The following ZNF277 variants were observed in gnomAD, a reference collection of about 807,000 sequenced individuals.
ZNF277 encodes the protein zinc finger protein 277, also known as nuclear receptor-interacting factor 4.
In ZNF277, 55 loss-of-function variants were observed where a neutral mutation model predicts 60.7. The ratio of observed to expected loss-of-function variants is 0.91; its 90% CI spans 0.73 to 1.13. The LOEUF (loss-of-function observed/expected upper bound fraction) is 1.13. ZNF277 is among the 50% of genes most tolerant of loss of function. The pLI, the probability that ZNF277 is intolerant of heterozygous loss-of-function variation, is 0.00. For synonymous variants in ZNF277, 178 were observed against 179.3 expected, an observed-to-expected ratio of 0.99 and a Z score of 0.06; for missense variants, 510 against 523.0, an observed-to-expected ratio of 0.98 and a Z score of 0.24.
intron 5 of ZNF277, among the ~76,000 whole-genome samples, chr7:112,320,459 A>G (rs1330887826): frequency 6.6e-6 from 1 of 152,138 alleles, no homozygotes; most frequent in Non-Finnish European, 1.5e-5. Context: ...CCTATGCACT[A>G]TATTAACAGT....
intron 4 of ZNF277, among the ~76,000 whole-genome samples, chr7:112,315,647 C>G (rs1387759606): frequency 6.6e-6 from 1 of 152,076 alleles, no homozygotes; most frequent in African/African-American, 2.4e-5. Flanking sequence ...TACAGAAAAA[C>G]ATGAGAATTG....
At chr7:112,327,468 G>T (rs1793125588) in intron 5 of ZNF277, among the ~76,000 whole-genome samples, 1 of 152,178 alleles carries the variant, frequency 6.6e-6, no homozygotes, top group African/African-American at 2.4e-5. Context: ...GACAGAACCT[G>T]ATTCTTCTAT....
chr7:112,220,184 G>C (rs1373651692), intron 1 of ZNF277, among the ~76,000 whole-genome samples: 1 of 152,068 alleles, frequency 6.6e-6, no homozygotes, highest in Non-Finnish European at 1.5e-5. Context: ...CCATAAGCAT[G>C]GCATATCTTT....
At chr7:112,306,180 A>C (rs1178766524) in intron 4 of ZNF277, among the ~76,000 whole-genome samples, 10 of 148,374 alleles carry the variant, frequency 6.7e-5, no homozygotes, top group Admixed American at 6.7e-4. Context: ...TTGCTCTTTA[A>C]GGTTTTCTCT....
intron 4 of ZNF277, among the ~76,000 whole-genome samples, chr7:112,300,928 A>C (rs1792457521): frequency 6.6e-6 from 1 of 152,054 alleles, no homozygotes; most frequent in African/African-American, 2.4e-5. Flanking sequence ...TCCCACATCC[A>C]TACTCATACT....
intron 1 of ZNF277, among the ~76,000 whole-genome samples, chr7:112,242,572 A>T (rs1013396855): frequency 5.1e-5 from 7 of 137,344 alleles, no homozygotes; most frequent in South Asian, 2.2e-4. Context: ...AAAAAAAAAA[A>T]ACAAAATAAA....
At chr7:112,269,788 G>A (rs1345587446) in intron 1 of ZNF277, among the ~76,000 whole-genome samples, 2 of 152,004 alleles carry the variant, frequency 1.3e-5, no homozygotes, top group African/African-American at 4.8e-5. Context: ...TCTTTATCAA[G>A]GGTTTATCAA....
At chr7:112,289,940 G>A (rs896229755) in intron 2 of ZNF277, among the ~76,000 whole-genome samples, 1 of 151,478 alleles carries the variant, frequency 6.6e-6, no homozygotes, top group Non-Finnish European at 1.5e-5. Context: ...TGTGCACATT[G>A]TGCAGGTTAG....
chr7:112,238,025 G>A (rs1790847321), intron 1 of ZNF277, among the ~76,000 whole-genome samples: 1 of 152,132 alleles, frequency 6.6e-6, no homozygotes, highest in East Asian at 1.9e-4. Flanking sequence ...GACCCCTCCA[G>A]CAATCATCCC....
chr7:112,222,417 G>T (rs7783041), intron 1 of ZNF277, among the ~76,000 whole-genome samples: 1 of 152,084 alleles, frequency 6.6e-6, no homozygotes, highest in African/African-American at 2.4e-5. Context: ...GTCTTGCTAG[G>T]TTCTATGTGT....
chr7:112,300,006 T>C (rs1792439647), intron 4 of ZNF277, among the ~76,000 whole-genome samples: 1 of 152,226 alleles, frequency 6.6e-6, no homozygotes, highest in Non-Finnish European at 1.5e-5. Flanking sequence ...AACTGTGTCT[T>C]ATATTTAAAC....
At chr7:112,341,436 C>G in intron 11 of ZNF277, among the ~76,000 whole-genome samples, 1 of 152,104 alleles carries the variant, frequency 6.6e-6, no homozygotes, top group East Asian at 1.9e-4. Flanking sequence ...CTGCGAGATA[C>G]TTAGGTTGTT....
intron 4 of ZNF277, among the ~76,000 whole-genome samples, chr7:112,309,518 G>T (rs1399272570): frequency 6.6e-6 from 1 of 151,876 alleles, no homozygotes; most frequent in Non-Finnish European, 1.5e-5. Context: ...GAGTTTGAGG[G>T]TGTGCTTTGG....
At chr7:112,238,238 G>A (rs1790853883) in intron 1 of ZNF277, among the ~76,000 whole-genome samples, 1 of 152,258 alleles carries the variant, frequency 6.6e-6, no homozygotes, top group African/African-American at 2.4e-5. Context: ...CGCAGAGAGT[G>A]CTTAGGGGAG....
intron 4 of ZNF277, among the ~76,000 whole-genome samples, chr7:112,300,412 G>T (rs1792447712): frequency 6.6e-6 from 1 of 152,120 alleles, no homozygotes; most frequent in Non-Finnish European, 1.5e-5. Flanking sequence ...TGATCTTGGT[G>T]CATCATCCTC....
At chr7:112,262,134 G>C (rs1305362947) in intron 1 of ZNF277, among the ~76,000 whole-genome samples, 1 of 150,552 alleles carries the variant, frequency 6.6e-6, no homozygotes, top group East Asian at 2.0e-4. Context: ...CAGCCTGCAT[G>C]TAATAGCTCT....
chr7:112,215,809 C>G (rs956555366), intron 1 of ZNF277, among the ~76,000 whole-genome samples: 1 of 152,062 alleles, frequency 6.6e-6, no homozygotes, highest in African/African-American at 2.4e-5. Context: ...GTGTTTTTAT[C>G]CAAATAGAGA....
intron 4 of ZNF277, among the ~76,000 whole-genome samples, chr7:112,311,813 A>G (rs1452239412): frequency 2.6e-5 from 4 of 152,142 alleles, no homozygotes; most frequent in Non-Finnish European, 5.9e-5. Flanking sequence ...AGTAGCTTCT[A>G]CTCAGTTTTC....
intron 1 of ZNF277, among the ~76,000 whole-genome samples, chr7:112,284,819 C>G: frequency 6.6e-6 from 1 of 152,162 alleles, no homozygotes; most frequent in Non-Finnish European, 1.5e-5. Flanking sequence ...TTCTCCAGCT[C>G]AGTTAAGTGA....
Sources: allele counts gnomAD v4.1 joint callset (sites outside exome capture counted in the v4.1 genomes callset), GRCh38; gene constraint gnomAD v4.1.1; transcripts MANE v1.5; gene names NCBI Gene and HGNC (gene_info 2026-07-23, HGNC 2026-07-21).